The following ESR1 variants were observed in gnomAD, a reference collection of about 807,000 sequenced individuals.
The protein encoded by ESR1 is estrogen receptor.
In ESR1, 12 loss-of-function variants were observed where a neutral mutation model predicts 52.7. The ratio of observed to expected loss-of-function variants is 0.23; its 90% confidence interval spans 0.15 to 0.37. The LOEUF is 0.37. Among genes scored for constraint, ESR1 ranks in the 10% least tolerant of loss-of-function variants. The pLI is 1.00. For synonymous variants in ESR1, 305 were observed against 316.8 expected (o/e 0.96, Z 0.39); for missense variants, 584 against 779.7 (o/e 0.75, Z 2.99).
intron 4 of ESR1, among the ~76,000 whole-genome samples, chr6:151,957,742 C>T (rs1206785482): frequency 6.6e-6 from 1 of 151,094 alleles, no homozygotes; most frequent in African/African-American, 2.5e-5. Flanking sequence ...AGAATAAATC[C>T]TATTTCAGAT....
chr6:151,943,417 C>A (rs961801908), intron 3 of ESR1, among the ~76,000 whole-genome samples: 48 of 149,556 alleles, frequency 3.2e-4, no homozygotes, highest in African/African-American at 7.1e-4. Flanking sequence ...AAAAAAAAAA[C>A]CACCTTTGGG....
intron 1 of ESR1, among the ~76,000 whole-genome samples, chr6:151,676,926 C>T (rs2115276633): frequency 6.6e-6 from 1 of 152,228 alleles, no homozygotes; most frequent in South Asian, 2.1e-4. Context: ...CTGTGTAACG[C>T]AGTTTGGAGA....
intron 6 of ESR1, among the ~76,000 whole-genome samples, chr6:152,091,884 A>C (rs2050210971): frequency 6.6e-6 from 1 of 152,198 alleles, no homozygotes; most frequent in Admixed American, 6.5e-5. Context: ...CTGGGTGGGA[A>C]CAAAAAAGGA....
chr6:151,982,850 A>G (rs977273197), intron 4 of ESR1, among the ~76,000 whole-genome samples: 1 of 152,092 alleles, frequency 6.6e-6, no homozygotes, highest in Non-Finnish European at 1.5e-5. Context: ...TTGAATTTCA[A>G]TTTGTATTTT....
At chr6:151,796,098 G>A (rs1386613621) in intron 2 of ESR1, among the ~76,000 whole-genome samples, 65 of 151,540 alleles carry the variant, frequency 4.3e-4, no homozygotes, top group Non-Finnish European at 4.9e-4. Context: ...CCCAGGAGGC[G>A]GAGCTTGCAG....
intron 2 of ESR1, among the ~76,000 whole-genome samples, chr6:151,766,797 A>G (rs1444448090): frequency 6.6e-6 from 1 of 152,220 alleles, no homozygotes; most frequent in African/African-American, 2.4e-5. Context: ...AGCGATAGAT[A>G]CATGTCAGAA....
At chr6:151,722,740 A>G (rs1247280878) in intron 2 of ESR1, among the ~76,000 whole-genome samples, 4 of 152,210 alleles carry the variant, frequency 2.6e-5, no homozygotes, top group Non-Finnish European at 5.9e-5. Flanking sequence ...AGCAAACTAA[A>G]TTTCATAACA....
intron 4 of ESR1, among the ~76,000 whole-genome samples, chr6:151,984,422 A>G (rs1162029634): frequency 6.6e-6 from 1 of 152,174 alleles, no homozygotes; most frequent in African/African-American, 2.4e-5. Flanking sequence ...ACCAAACACT[A>G]GCAACAACTA....
intron 3 of ESR1, among the ~76,000 whole-genome samples, chr6:151,905,962 C>T (rs188219407): frequency 4.4e-4 from 67 of 152,190 alleles, no homozygotes; most frequent in East Asian, 1.9e-3. Flanking sequence ...ATTATTGGAA[C>T]GCTAAGCATG....
intron 5 of ESR1, among the ~76,000 whole-genome samples, chr6:152,014,424 G>A (rs143876808): frequency 6.6e-6 from 1 of 152,102 alleles, no homozygotes; most frequent in Non-Finnish European, 1.5e-5. Context: ...GCCTCTGGTT[G>A]AGAATCACCA....
chr6:151,777,439 G>A (rs1411928379), intron 2 of ESR1, among the ~76,000 whole-genome samples: 2 of 152,004 alleles, frequency 1.3e-5, no homozygotes, highest in East Asian at 3.9e-4. Flanking sequence ...TTTTTAACCA[G>A]TCCCAAGTAA....
At chr6:151,917,087 T>C (rs1396532408) in intron 3 of ESR1, among the ~76,000 whole-genome samples, 1 of 152,108 alleles carries the variant, frequency 6.6e-6, no homozygotes, top group Non-Finnish European at 1.5e-5. Flanking sequence ...CTGGGAAGAC[T>C]CCTCCATGAC....
intron 3 of ESR1, among the ~76,000 whole-genome samples, chr6:151,910,675 G>C (rs911711244): frequency 1.3e-5 from 2 of 152,130 alleles, no homozygotes; most frequent in African/African-American, 2.4e-5. Flanking sequence ...TATAGCCATT[G>C]TTTTCAAAGT....
At chr6:152,112,757 C>G (rs2051160028) in intron 6 of ESR1, 1 of 152,280 alleles carries the variant, frequency 6.6e-6, no homozygotes, top group South Asian at 2.1e-4. Context: ...GGCGCCCAAC[C>G]AGGAAACGAA....
At position 152,094,339 on chromosome 6, in the gene ESR1, C is replaced by A. The variant is rs759425909; in HGVS notation, c.1370-46C>A. On this transcript the variant is annotated intron_variant, in intron 6 of 7. Transcript: ENST00000206249. This position sits in a 1 kb window ranked among gnomAD's most constrained non-coding sequence, Gnocchi z 4.6. ...TGAACACTCTGGGTCTCCTAGACCT[C>A]ATCCTCTTTGAGCTTCTCTCTCTCA... 7.0e-6 allele frequency: 11 copies of A among 1,566,294 alleles called. No homozygotes were observed. In the Admixed American group the frequency reaches 1.7e-4, roughly 24 times the overall value.
intron 3 of ESR1, among the ~76,000 whole-genome samples, chr6:151,930,321 C>T (rs1399206659): frequency 1.3e-5 from 2 of 152,014 alleles, no homozygotes; most frequent in African/African-American, 4.8e-5. Context: ...GTAGTGGTGC[C>T]GCTAAAGTTC....
chr6:151,900,022 A>C (rs536062427), intron 3 of ESR1, among the ~76,000 whole-genome samples: 52 of 152,340 alleles, frequency 3.4e-4, no homozygotes, highest in African/African-American at 1.2e-3. Context: ...CAATCTCGGC[A>C]CTTTGGGAGG....
At chr6:151,933,556 G>A (rs1182812973) in intron 3 of ESR1, among the ~76,000 whole-genome samples, 1 of 151,706 alleles carries the variant, frequency 6.6e-6, no homozygotes, top group African/African-American at 2.4e-5. Context: ...AATGCTTCCA[G>A]TTTTTGCCCA....
intron 6 of ESR1, among the ~76,000 whole-genome samples, chr6:152,090,726 T>C (rs936730893): frequency 1.2e-4 from 18 of 151,904 alleles, no homozygotes; most frequent in African/African-American, 4.4e-4. Context: ...CCAAGCAAAA[T>C]GAGAGAAGGT....
Sources: gnomAD v4.1 joint callset for allele counts (sites outside exome capture counted in the v4.1 genomes callset) on GRCh38, gnomAD v4.1.1 for gene constraint, Gnocchi (gnomAD v3.1) non-coding constraint, MANE v1.5 for transcripts, NCBI Gene and HGNC (gene_info 2026-07-23, HGNC 2026-07-21) for gene names.